The following AKAP6 variants were observed in gnomAD, a reference collection of about 807,000 sequenced individuals.
AKAP6 encodes the protein A-kinase anchor protein 6.
Under a neutral mutation model 188.5 loss-of-function variants are expected in AKAP6, and 58 were observed. The ratio of observed to expected loss-of-function variants is 0.31; its 90% CI spans 0.25 to 0.38. The LOEUF is 0.38. Ranked by LOEUF, AKAP6 falls within the 10% of genes least tolerant of loss-of-function variation. The pLI is 1.00. For synonymous variants in AKAP6, 989 were observed against 998.6 expected (o/e 0.99, Z 0.18); for missense variants, 2,710 against 2,740.0 (o/e 0.99, Z 0.24).
chr14:32,643,302 A>ATTCTT (rs969641398), intron 7 of AKAP6, among the ~76,000 whole-genome samples: 1 of 150,194 alleles, frequency 6.7e-6, no homozygotes, highest in African/African-American at 2.4e-5. Flanking sequence ...TTCTTCATAC[A>ATTCTT]TTCTTTTCTT....
At chr14:32,492,337 A>AAT (rs148154496) in intron 2 of AKAP6, among the ~76,000 whole-genome samples, 2,628 of 76,694 alleles carry the variant, frequency 0.034, 149 homozygotes, top group African/African-American at 0.086. Flanking sequence ...ACTACATTGT[A>AAT]ATATATATAT....
intron 1 of AKAP6, among the ~76,000 whole-genome samples, chr14:32,337,114 T>G (rs1187479120): frequency 6.6e-6 from 1 of 152,184 alleles, no homozygotes; most frequent in Non-Finnish European, 1.5e-5. Flanking sequence ...GCAGCCTATA[T>G]GGAGAATCAA....
chr14:32,590,207 G>A (rs1039372902), intron 5 of AKAP6, among the ~76,000 whole-genome samples: 3 of 152,064 alleles, frequency 2.0e-5, no homozygotes, highest in Admixed American at 6.5e-5. Flanking sequence ...GGTGTTCTTA[G>A]ACAAGTTGAG....
chr14:32,636,821 C>G (rs1195965169), intron 7 of AKAP6, among the ~76,000 whole-genome samples: 2 of 152,004 alleles, frequency 1.3e-5, no homozygotes, highest in African/African-American at 2.4e-5. Context: ...TGTGAACGGA[C>G]TTGTGTGACA....
At chr14:32,332,207 C>T (rs1449427310) in intron 1 of AKAP6, among the ~76,000 whole-genome samples, 2 of 152,060 alleles carry the variant, frequency 1.3e-5, no homozygotes, top group Non-Finnish European at 2.9e-5. Flanking sequence ...CAAACCATTG[C>T]GATCTGGCTA....
At chr14:32,746,843 C>T (rs2031931590) in intron 11 of AKAP6, among the ~76,000 whole-genome samples, 1 of 152,150 alleles carries the variant, frequency 6.6e-6, no homozygotes, top group Non-Finnish European at 1.5e-5. Context: ...TCTTTTGTTC[C>T]TTATTCCATT....
At chr14:32,378,486 A>C (rs1236191938) in intron 1 of AKAP6, among the ~76,000 whole-genome samples, 1 of 152,226 alleles carries the variant, frequency 6.6e-6, no homozygotes, top group Non-Finnish European at 1.5e-5. Context: ...ATCCATTTTT[A>C]AAGCTTCCTT....
intron 10 of AKAP6, among the ~76,000 whole-genome samples, chr14:32,735,338 T>G (rs2031364921): frequency 6.6e-6 from 1 of 152,136 alleles, no homozygotes; most frequent in African/African-American, 2.4e-5. Context: ...TCAAATGAAT[T>G]TTTATCTTGC....
chr14:32,433,838 C>A (rs753772144), intron 2 of AKAP6, 21 bp downstream of exon 2: 3 of 1,598,252 alleles, frequency 1.9e-6, no homozygotes, highest in Non-Finnish European at 2.6e-6. Context: ...GTCTGTGATC[C>A]TCTCAGGATA....
rs1216220062 is a variant in AKAP6 at position 32,546,953 on chromosome 14, A to T, written c.2300A>T (p.Asp767Val). Reference protein sequence around the residue: ...KSALIQKLMQDIQHQDNYEAI... With the variant: ...KSALIQKLMQVIQHQDNYEAI... Reference sequence around the variant, plus strand: ...GCTTTAATTCAGAAACTGATGCAAGATATTCAGCACCAAGACAACTATGAA... The same window carrying T: ...GCTTTAATTCAGAAACTGATGCAAGTTATTCAGCACCAAGACAACTATGAA... Residue 767 changes from aspartate (D) to valine (V), a missense_variant, in exon 4 of 14, where the codon GAT becomes GTT. Physicochemically the swap from Asp to Val is radical, Grantham distance 152. Coordinates refer to ENST00000280979, the MANE Select transcript of AKAP6 (RefSeq NM_004274.5). 2 of 1,609,290 alleles carry T rather than the reference A, an allele frequency of 1.2e-6. No individual in the cohort carries two copies. The highest frequency in any genetic ancestry group is 2.7e-5 in the African/African-American group (2 of 74,880).
chr14:32,452,841 A>G (rs1890985538), intron 2 of AKAP6, among the ~76,000 whole-genome samples: 1 of 152,210 alleles, frequency 6.6e-6, no homozygotes, highest in Non-Finnish European at 1.5e-5. Flanking sequence ...CAAAATAGGA[A>G]TAATAGTATC....
chr14:32,365,459 C>T (rs931882058), intron 1 of AKAP6, among the ~76,000 whole-genome samples: 3 of 152,092 alleles, frequency 2.0e-5, no homozygotes, highest in African/African-American at 4.8e-5. Context: ...CCTTTGGAAC[C>T]GACCATATAA....
intron 12 of AKAP6, among the ~76,000 whole-genome samples, chr14:32,814,157 C>A (rs2034319639): frequency 6.6e-6 from 1 of 152,214 alleles, no homozygotes; most frequent in Non-Finnish European, 1.5e-5. Flanking sequence ...TCTTCATGCA[C>A]TGGCCTCTAG....
At chr14:32,659,037 A>G (rs1004468114) in intron 7 of AKAP6, among the ~76,000 whole-genome samples, 1 of 152,212 alleles carries the variant, frequency 6.6e-6, no homozygotes. Context: ...AGCACATTTG[A>G]CAAGACACTA....
At chr14:32,359,842 C>G (rs1017955553) in intron 1 of AKAP6, among the ~76,000 whole-genome samples, 1 of 152,144 alleles carries the variant, frequency 6.6e-6, no homozygotes, top group African/African-American at 2.4e-5. Context: ...CTCATCACAT[C>G]AGATTAGAGG....
intron 11 of AKAP6, among the ~76,000 whole-genome samples, chr14:32,762,226 C>T (rs943353423): frequency 6.6e-6 from 1 of 152,002 alleles, no homozygotes; most frequent in Non-Finnish European, 1.5e-5. Flanking sequence ...GCTAAAATTG[C>T]ATACTTTATT....
chr14:32,455,723 G>A (rs1209602848), intron 2 of AKAP6, among the ~76,000 whole-genome samples: 1 of 152,078 alleles, frequency 6.6e-6, no homozygotes, highest in African/African-American at 2.4e-5. Flanking sequence ...GGAACAATAT[G>A]GTAAACCTTG....
At chr14:32,657,294 G>T (rs190554932) in intron 7 of AKAP6, among the ~76,000 whole-genome samples, 9 of 152,280 alleles carry the variant, frequency 5.9e-5, no homozygotes, top group Non-Finnish European at 1.2e-4. Flanking sequence ...CCCTGTAGTG[G>T]CTGTGATGAA....
In AKAP6 at chr14:32,773,702, C is replaced by A. The variant is rs147421671; in HGVS notation, c.3397C>A (p.Arg1133=). ...GTCCCTCTGTCGTGAAATCAAGCAACGACGTCGAGGAGTTGCCTCCATTCT... is the reference window on the plus strand; with the variant it reads ...GTCCCTCTGTCGTGAAATCAAGCAAAGACGTCGAGGAGTTGCCTCCATTCT... ...FKSLCREIKQ[R]RRGVASILRL... The change falls in exon 12 of 14, where the codon CGA becomes AGA. Residue 1133 remains arginine (R), a synonymous_variant. Transcript: ENST00000280979. 2.4e-4 allele frequency: 384 copies of A among 1,614,022 alleles called. 1 individual carries two copies. The African/African-American group carries it at 4.7e-3, about 20-fold the overall frequency.
Sources: gnomAD v4.1 joint callset for allele counts (sites outside exome capture counted in the v4.1 genomes callset) on GRCh38, gnomAD v4.1.1 for gene constraint, MANE v1.5 for transcripts, NCBI Gene and HGNC (gene_info 2026-07-23, HGNC 2026-07-21) for gene names.